Variants in ZNRF1 observed in about 807,000 individuals in gnomAD.
The protein encoded by ZNRF1 is zinc and ring finger 1.
In ZNRF1, 3 loss-of-function variants were observed where a neutral mutation model predicts 18.4. The ratio of observed to expected loss-of-function variants is 0.16; its 90% confidence interval spans 0.07 to 0.42. The LOEUF is 0.42. Ranked by LOEUF, ZNRF1 falls within the 10% of genes least tolerant of loss-of-function variation. The pLI, the probability that ZNRF1 is intolerant of heterozygous loss-of-function variation, is 0.99. For synonymous variants in ZNRF1, 157 were observed against 144.2 expected (o/e 1.09, Z -0.64); for missense variants, 310 against 329.8 (o/e 0.94, Z 0.47).
intron 1 of ZNRF1, among the ~76,000 whole-genome samples, chr16:75,020,743 C>T (rs574759149): frequency 7.4e-4 from 113 of 152,128 alleles, no homozygotes; most frequent in Non-Finnish European, 1.5e-3. Flanking sequence ...AAGGTTTCAC[C>T]GTGTTAGCCA....
At chr16:75,014,484 T>C (rs1433466161) in intron 1 of ZNRF1, among the ~76,000 whole-genome samples, 2 of 152,238 alleles carry the variant, frequency 1.3e-5, no homozygotes, top group East Asian at 3.8e-4. Context: ...CTTATTGCTA[T>C]AGCACATTTA....
intron 1 of ZNRF1, among the ~76,000 whole-genome samples, chr16:75,023,227 C>G (rs985326049): frequency 2.0e-5 from 3 of 152,180 alleles, no homozygotes; most frequent in Non-Finnish European, 4.4e-5. Flanking sequence ...TCTCCACCCC[C>G]TTAAATTGCC....
chr16:75,079,621 C>T (rs575027421), intron 1 of ZNRF1, among the ~76,000 whole-genome samples: 1 of 152,252 alleles, frequency 6.6e-6, no homozygotes, highest in African/African-American at 2.4e-5. Context: ...CTTCTCTCAC[C>T]CTTATCCTTC....
intron 2 of ZNRF1, among the ~76,000 whole-genome samples, chr16:75,094,895 G>T (rs2036179815): frequency 6.6e-6 from 1 of 152,156 alleles, no homozygotes; most frequent in Admixed American, 6.5e-5. Context: ...AGTCATAGTA[G>T]TGGTTGGAAA....
intron 1 of ZNRF1, among the ~76,000 whole-genome samples, chr16:75,053,921 A>T (rs1030965778): frequency 1.3e-5 from 2 of 152,166 alleles, no homozygotes; most frequent in Non-Finnish European, 2.9e-5. Context: ...TGGCCACGCA[A>T]GTTCTTTGTT....
intron 1 of ZNRF1, among the ~76,000 whole-genome samples, chr16:75,066,397 A>T (rs2145394505): frequency 6.6e-6 from 1 of 152,354 alleles, no homozygotes; most frequent in South Asian, 2.1e-4. Flanking sequence ...AACAAATTCG[A>T]TGAGTTCAGT....
Position 75,087,592 on chromosome 16 carries a change from C to T in ZNRF1, c.425-5980C>T, listed in dbSNP as rs143335150. Among the ~76,000 whole-genome samples the T allele has an allele frequency of 9.8e-5, 15 of 152,296 alleles. No individual in the cohort carries two copies. The East Asian group carries it at 1.2e-3, about 12-fold the overall frequency. ...TCTCTTGATTGGAAGTGGAGGGATCCTGTAGGCGCATTTGCTTGGCAGAAC... is the reference window on the plus strand; with the variant it reads ...TCTCTTGATTGGAAGTGGAGGGATCTTGTAGGCGCATTTGCTTGGCAGAAC... On this transcript the variant is annotated intron_variant, in intron 1 of 4. Transcript: ENST00000335325.
At chr16:75,012,436 C>G (rs1169529699) in intron 1 of ZNRF1, among the ~76,000 whole-genome samples, 1 of 152,144 alleles carries the variant, frequency 6.6e-6, no homozygotes, top group African/African-American at 2.4e-5. Flanking sequence ...CTGTGCCCCC[C>G]TTTTCCATAT....
chr16:75,020,096 T>G (rs907081269), intron 1 of ZNRF1, among the ~76,000 whole-genome samples: 2 of 152,220 alleles, frequency 1.3e-5, no homozygotes, highest in African/African-American at 2.4e-5. Context: ...CTTCATAATT[T>G]TGTCAAACGT....
chr16:75,093,575 T>A lies in ZNRF1; in HGVS notation c.428T>A (p.Phe143Tyr), dbSNP rs1476918302. 3 of 1,613,582 alleles carry A rather than the reference T, an allele frequency of 1.9e-6. No homozygotes were observed. The East Asian group carries it at 6.7e-5, about 36-fold the overall frequency. ...ATCCCATTCTCCTCTCTTTCAGGTT[T>A]CAAGTGCCCCATTTGCTCCAAGTCT... ...APRWFSSHSGFKCPICSKSVA... is the reference protein window; with the variant it reads ...APRWFSSHSGYKCPICSKSVA... Residue 143 changes from phenylalanine (F) to tyrosine (Y), a missense_variant, in exon 2 of 5, where the codon TTC (phenylalanine) becomes TAC (tyrosine). Phe to Tyr is a conservative substitution (Grantham distance 22). Transcript: ENST00000335325.
rs553391399 is a variant in ZNRF1, at chr16:75,045,976, C to T, written c.424+45881C>T. Among the ~76,000 whole-genome samples, 6 of 152,246 alleles carry T rather than the reference C, an allele frequency of 3.9e-5. No homozygotes were observed. The South Asian group carries it at 1.2e-3, about 32-fold the overall frequency. On this transcript the variant is annotated intron_variant, in intron 1 of 4. Transcript: ENST00000335325. ...AGAGTACAATGGCACGATCTCAGCTCATTGCAATCTCCACCTCCTGGGTTC... is the reference window on the plus strand; with the variant it reads ...AGAGTACAATGGCACGATCTCAGCTTATTGCAATCTCCACCTCCTGGGTTC...
intron 2 of ZNRF1, among the ~76,000 whole-genome samples, chr16:75,098,170 C>T (rs1041318819): frequency 4.6e-5 from 7 of 152,224 alleles, no homozygotes; most frequent in African/African-American, 1.7e-4. Context: ...CCAGGGTGTC[C>T]AGCTGTTGCT....
At chr16:75,089,238 G>C (rs2036108653) in intron 1 of ZNRF1, among the ~76,000 whole-genome samples, 1 of 151,936 alleles carries the variant, frequency 6.6e-6, no homozygotes, top group Admixed American at 6.6e-5. Context: ...ACGTAGCTGG[G>C]ATTAGAGGCA....
intron 1 of ZNRF1, among the ~76,000 whole-genome samples, chr16:75,030,121 C>T (rs2035282934): frequency 6.7e-6 from 1 of 149,736 alleles, no homozygotes; most frequent in Non-Finnish European, 1.5e-5. Flanking sequence ...ACAATTCACT[C>T]ATTCAAAGTA....
At chr16:75,091,587 C>T (rs544079840) in intron 1 of ZNRF1, among the ~76,000 whole-genome samples, 1 of 147,622 alleles carries the variant, frequency 6.8e-6, no homozygotes, top group East Asian at 2.0e-4. Context: ...GGCTGGAGTG[C>T]AGTGGCACAA....
intron 1 of ZNRF1, among the ~76,000 whole-genome samples, chr16:75,065,832 ACT>A (rs778670720): frequency 3.9e-5 from 6 of 152,038 alleles, no homozygotes; most frequent in Non-Finnish European, 8.8e-5. Context: ...TCCTGTGGAC[ACT>A]CCACCAATTA....
rs201734581 is a variant in ZNRF1, at chr16:75,013,108, G to GT, written c.424+13015dup. On this transcript the variant is annotated intron_variant, in intron 1 of 4. Coordinates refer to ENST00000335325, the MANE Select transcript of ZNRF1 (RefSeq NM_032268.5). The stretch of plus-strand genomic sequence containing the variant: ...AAGGAAAAAGCAATTAGGAACCTCT[G>GT]TTCAGAAAGGACCAATTTTTCTTAG... Among the ~76,000 whole-genome samples the GT allele has an allele frequency of 5.4e-3, 817 of 152,282 alleles. 6 individuals are homozygous for GT. Among genetic ancestry groups the GT allele is most frequent in the Non-Finnish European group, 6.6e-3 (452 of 68,028 alleles).
At chr16:75,022,862 G>A (rs190630306) in intron 1 of ZNRF1, among the ~76,000 whole-genome samples, 1 of 152,312 alleles carries the variant, frequency 6.6e-6, no homozygotes, top group East Asian at 1.9e-4. Context: ...TGTGCTGAGA[G>A]TCTAGGAGGT....
intron 1 of ZNRF1, among the ~76,000 whole-genome samples, chr16:75,003,873 CAA>C (rs1164279152): frequency 1.3e-5 from 2 of 152,058 alleles, no homozygotes; most frequent in Non-Finnish European, 1.5e-5. Flanking sequence ...ATAATGTGCA[CAA>C]AAGTCAAAGG....
Sources: gnomAD v4.1 joint callset for allele counts (sites outside exome capture counted in the v4.1 genomes callset) on GRCh38, gnomAD v4.1.1 for gene constraint, MANE v1.5 for transcripts, NCBI Gene and HGNC (gene_info 2026-07-23, HGNC 2026-07-21) for gene names.